ATP9B: variants seen among roughly 807,000 people sequenced by gnomAD.
The protein encoded by ATP9B is probable phospholipid-transporting ATPase IIB.
A neutral mutation model predicts 146.1 loss-of-function variants in ATP9B; 110 were observed. The observed-to-expected ratio is 0.75, with a 90% CI of 0.65 to 0.88. The LOEUF is 0.88. Among genes scored for constraint, ATP9B ranks in the 40% least tolerant of loss-of-function variants. The probability of loss-of-function intolerance (pLI) is 0.00; values close to 1 mark genes in which losing one functional copy is unlikely to be tolerated. For synonymous variants in ATP9B, 604 were observed against 569.7 expected (o/e 1.06, Z -0.86); for missense variants, 1,499 against 1,496.4 (o/e 1.00, Z -0.03).
At chr18:79,145,453 G>A (rs1327017919) in intron 6 of ATP9B, 3 of 129,552 alleles carry the variant, frequency 2.3e-5, no homozygotes, top group Admixed American at 9.4e-5. Flanking sequence ...CAGGCTGCAT[G>A]TCGGGGCTGC....
At chr18:79,141,475 G>C (rs1327299920) in intron 5 of ATP9B, among the ~76,000 whole-genome samples, 1 of 152,168 alleles carries the variant, frequency 6.6e-6, no homozygotes, top group African/African-American at 2.4e-5. Context: ...GTGTGCACTT[G>C]ATAGTATATT....
intron 6 of ATP9B, among the ~76,000 whole-genome samples, chr18:79,148,914 A>G (rs578205275): frequency 1.3e-5 from 2 of 152,358 alleles, no homozygotes; most frequent in East Asian, 3.9e-4. Context: ...TCATTTTTAT[A>G]TAATAATGAA....
At chr18:79,072,811 GCAGA>G (rs1029472560) in intron 1 of ATP9B, among the ~76,000 whole-genome samples, 20 of 152,044 alleles carry the variant, frequency 1.3e-4, no homozygotes, top group African/African-American at 4.8e-4. Context: ...TGGCTGCCGG[GCAGA>G]GGGGCTCCTC....
In ATP9B at chr18:79,154,517, C is replaced by T; in HGVS notation, c.740C>T (p.Pro247Leu). Residue 247 changes from proline to leucine, a missense_variant, in exon 7 of 30, where the codon CCA becomes CTA. Transcript: ENST00000426216. ...LIIVEKNQRI[P>L]SDMVFLRTSE... ...TGCTCTTTGCAGAATCAAAGAATTC[C>T]ATCGGACATGGTGTTTCTTAGGACT... The T allele has an allele frequency of 2.0e-6, 3 of 1,535,042 alleles. No homozygotes were observed. The highest frequency in any genetic ancestry group is 2.6e-6 in the Non-Finnish European group (3 of 1,149,634).
intron 11 of ATP9B, among the ~76,000 whole-genome samples, chr18:79,222,795 G>T (rs1233043973): frequency 6.6e-6 from 1 of 150,482 alleles, no homozygotes; most frequent in African/African-American, 2.4e-5. Context: ...TATTATATTA[G>T]TATTTGGTGA....
intron 11 of ATP9B, among the ~76,000 whole-genome samples, chr18:79,241,372 G>A (rs965275773): frequency 1.3e-5 from 2 of 152,088 alleles, no homozygotes; most frequent in Non-Finnish European, 2.9e-5. Flanking sequence ...CTTGACAAAC[G>A]ACTCTGAGAT....
chr18:79,255,143 C>T (rs1054618033), intron 12 of ATP9B: 3 of 152,114 alleles, frequency 2.0e-5, no homozygotes, highest in Non-Finnish European at 2.9e-5. Flanking sequence ...AGGACCCGAG[C>T]GCAGATTGTC....
chr18:79,071,856 T>A (rs1468402305), intron 1 of ATP9B, among the ~76,000 whole-genome samples: 1 of 151,666 alleles, frequency 6.6e-6, no homozygotes, highest in Admixed American at 6.6e-5. Flanking sequence ...ATGTGTCTTA[T>A]CATGGATTTC....
chr18:79,300,150 G>C (rs2096580676), intron 13 of ATP9B, among the ~76,000 whole-genome samples: 4 of 152,230 alleles, frequency 2.6e-5, no homozygotes, highest in African/African-American at 9.6e-5. Flanking sequence ...CGCGTGGTAA[G>C]AGGGCAGAGC....
intron 17 of ATP9B, among the ~76,000 whole-genome samples, chr18:79,335,968 C>T (rs567228371): frequency 1.3e-5 from 2 of 151,330 alleles, no homozygotes; most frequent in South Asian, 2.1e-4. Flanking sequence ...CCCTCTCCCC[C>T]AGTGTACACC....
intron 23 of ATP9B, 121 bp from the exon 24 acceptor site, chr18:79,347,649 C>T (rs1212639250): frequency 2.5e-6 from 3 of 1,218,790 alleles, no homozygotes; most frequent in Non-Finnish European, 3.3e-6. Context: ...TGAAGCTTTA[C>T]AAGTTCTGCA....
intron 11 of ATP9B, among the ~76,000 whole-genome samples, chr18:79,238,007 T>A (rs1476358531): frequency 6.6e-6 from 1 of 152,224 alleles, no homozygotes; most frequent in Non-Finnish European, 1.5e-5. Flanking sequence ...TTTTTGATGC[T>A]ATTTCAATTA....
intron 29 of ATP9B, chr18:79,376,412 G>A (rs1449541444): frequency 2.4e-5 from 23 of 958,168 alleles, no homozygotes; most frequent in Admixed American, 6.6e-5. Flanking sequence ...TTTTTGAGAC[G>A]AAGTCTCACT....
At chr18:79,192,251 C>T (rs1311103827) in intron 8 of ATP9B, among the ~76,000 whole-genome samples, 1 of 152,098 alleles carries the variant, frequency 6.6e-6, no homozygotes, top group Non-Finnish European at 1.5e-5. Flanking sequence ...TGAGTTTTAG[C>T]AGCCATGACA....
intron 7 of ATP9B, among the ~76,000 whole-genome samples, chr18:79,174,533 G>A (rs543276440): frequency 1.3e-5 from 2 of 152,182 alleles, no homozygotes; most frequent in South Asian, 4.2e-4. Flanking sequence ...CTTGCGCTTG[G>A]TACAGGTGTC....
At chr18:79,370,336 C>T (rs979745539) in intron 26 of ATP9B, among the ~76,000 whole-genome samples, 1 of 152,136 alleles carries the variant, frequency 6.6e-6, no homozygotes, top group Non-Finnish European at 1.5e-5. Context: ...AACTGAGGCA[C>T]AGAGATTAAG....
In ATP9B at chr18:79,376,696, C is replaced by CTT. The variant is rs35556122; in HGVS notation, c.3308-535_3308-534dup. ...TGAGCCACCATGGCCGGCCTACAAC[C>CTT]TTTTTTTTTTTTTTTTTGAGATGGA... On this transcript the variant is annotated intron_variant, in intron 29 of 29. Coordinates refer to ENST00000426216, the MANE Select transcript of ATP9B (RefSeq NM_198531.5). Among the ~76,000 whole-genome samples the CTT allele has an allele frequency of 2.0e-3, 263 of 129,290 alleles. 3 individuals carry two copies. The highest frequency in any genetic ancestry group is 0.015 in the South Asian group (56 of 3,798). 84.8% of individuals were successfully genotyped at this position (129,290 alleles called of 152,430 possible).
intron 5 of ATP9B, among the ~76,000 whole-genome samples, chr18:79,133,766 G>A (rs978687637): frequency 5.3e-5 from 8 of 152,190 alleles, no homozygotes; most frequent in Admixed American, 3.3e-4. Context: ...GGTCTCACCA[G>A]TGCTTCTAAC....
At chr18:79,163,789 T>G (rs1185701162) in intron 7 of ATP9B, among the ~76,000 whole-genome samples, 1 of 151,872 alleles carries the variant, frequency 6.6e-6, no homozygotes, top group Admixed American at 6.6e-5. Flanking sequence ...ATCTCTAAAA[T>G]TAACCTCAAT....
Sources: gnomAD v4.1 joint callset for allele counts (sites outside exome capture counted in the v4.1 genomes callset) on GRCh38, gnomAD v4.1.1 for gene constraint, MANE v1.5 for transcripts, NCBI Gene and HGNC (gene_info 2026-07-23, HGNC 2026-07-21) for gene names.